The following COG6 variants were observed in gnomAD, a reference collection of about 807,000 sequenced individuals.
COG6 encodes the protein component of oligomeric golgi complex 6, also known as conserved oligomeric Golgi complex subunit 6.
A neutral mutation model predicts 88.8 loss-of-function variants in COG6; 74 were observed. That is an observed-to-expected ratio of 0.83 (90% confidence interval 0.69 to 1.01). The LOEUF is 1.01. Ranked by LOEUF, COG6 falls within the 50% of genes least tolerant of loss-of-function variation. The pLI is 0.00. For synonymous variants in COG6, 286 were observed against 278.7 expected, an observed-to-expected ratio of 1.03 and a Z score of -0.26; for missense variants, 800 against 797.9, an observed-to-expected ratio of 1.00 and a Z score of -0.03.
chr13:39,785,970 T>A (rs1007403329), intron 18 of COG6, among the ~76,000 whole-genome samples: 2 of 152,140 alleles, frequency 1.3e-5, no homozygotes, highest in Non-Finnish European at 2.9e-5. Flanking sequence ...ACAAATGTGA[T>A]GTACAGAGAG....
In COG6 at chr13:39,752,626, A is replaced by G. The variant is rs1430866339; in HGVS notation, c.*1533A>G. ...GTTTTTTCAAATAAAATATTAAAAT[A>G]TTTCTAGAGCAGCAATTATTGCAGC... On this transcript the variant is annotated 3_prime_UTR_variant, in exon 19 of 19. Transcript: ENST00000455146. 1 of 1,262,588 alleles carries G rather than the reference A, an allele frequency of 7.9e-7. No homozygotes were observed. Among genetic ancestry groups the G allele is most frequent in the Non-Finnish European group, 1.0e-6 (1 of 976,396 alleles). 78.2% of individuals were successfully genotyped at this position (1,262,588 alleles called of 1,614,324 possible). A position where few individuals can be genotyped will look rare whatever the true frequency, so the allele number is the denominator to read the frequency against.
At chr13:39,783,996 G>C (rs549469637) in intron 18 of COG6, among the ~76,000 whole-genome samples, 3 of 152,264 alleles carry the variant, frequency 2.0e-5, no homozygotes, top group Middle Eastern at 3.4e-3. Context: ...ATGGATTCTG[G>C]GGGGAGAAAG....
At chr13:39,666,514 GA>G (rs998964306) in intron 4 of COG6, among the ~76,000 whole-genome samples, 6 of 152,190 alleles carry the variant, frequency 3.9e-5, no homozygotes, top group African/African-American at 1.4e-4. Flanking sequence ...TCAAGAGTTT[GA>G]AAAACACTGC....
chr13:39,709,351 A>G (rs1440479144), intron 13 of COG6, among the ~76,000 whole-genome samples: 2 of 152,136 alleles, frequency 1.3e-5, no homozygotes, highest in Non-Finnish European at 2.9e-5. Flanking sequence ...ACATTTATAT[A>G]TTATGTAATG....
chr13:39,657,479 A>T (rs1160306445), intron 1 of COG6, among the ~76,000 whole-genome samples: 1 of 151,438 alleles, frequency 6.6e-6, no homozygotes, highest in Non-Finnish European at 1.5e-5. Context: ...TTTGAACCAG[A>T]CCTTAGGACA....
At chr13:39,717,246 A>T (rs552616346) in intron 13 of COG6, among the ~76,000 whole-genome samples, 1 of 151,916 alleles carries the variant, frequency 6.6e-6, no homozygotes, top group East Asian at 1.9e-4. Context: ...AGTTGCTTTC[A>T]GGATTATCTG....
At chr13:39,705,951 G>A (rs1485734821) in intron 13 of COG6, among the ~76,000 whole-genome samples, 1 of 151,452 alleles carries the variant, frequency 6.6e-6, no homozygotes, top group Non-Finnish European at 1.5e-5. Flanking sequence ...ATTCTGCCAG[G>A]AAAAACAAAC....
intron 4 of COG6, among the ~76,000 whole-genome samples, chr13:39,677,122 C>G (rs993379381): frequency 1.3e-5 from 2 of 152,122 alleles, no homozygotes; most frequent in Non-Finnish European, 2.9e-5. Context: ...ACATATTTCT[C>G]TCTTATAAAA....
chr13:39,751,584 A>AG lies in COG6; in HGVS notation c.*492dup. ...TAGCCTATGTCTCTGTCCCCAAAAT[A>AG]GCTGCCCTTAAAGAGTTGTTAGCAG... On this transcript the variant is annotated 3_prime_UTR_variant, in exon 19 of 19. Coordinates refer to ENST00000455146, the MANE Select transcript of COG6 (RefSeq NM_020751.3). 7.8e-7 allele frequency: 1 copy of AG among 1,287,222 alleles called. No individual in the cohort carries two copies. Among genetic ancestry groups the AG allele is most frequent in the Non-Finnish European group, 1.0e-6 (1 of 988,706 alleles). 79.7% of individuals were successfully genotyped at this position (1,287,222 alleles called of 1,614,324 possible). A position where few individuals can be genotyped will look rare whatever the true frequency, so the allele number is the denominator to read the frequency against.
intron 18 of COG6, among the ~76,000 whole-genome samples, chr13:39,784,841 G>A (rs1881726477): frequency 6.6e-6 from 1 of 152,170 alleles, no homozygotes. Flanking sequence ...GCTGAGATGA[G>A]CATGCATCCT....
intron 13 of COG6, among the ~76,000 whole-genome samples, chr13:39,713,507 G>A (rs1011312378): frequency 3.9e-5 from 6 of 152,152 alleles, no homozygotes; most frequent in East Asian, 1.9e-4. Context: ...AGGTCAAGGC[G>A]GGTGGATCAC....
At chr13:39,777,537 G>A (rs577859574) in intron 18 of COG6, among the ~76,000 whole-genome samples, 6 of 152,154 alleles carry the variant, frequency 3.9e-5, no homozygotes, top group Non-Finnish European at 8.8e-5. Flanking sequence ...TTACTTGGTG[G>A]AAAACTTGAA....
intron 4 of COG6, among the ~76,000 whole-genome samples, chr13:39,666,077 T>C (rs1242950330): frequency 6.6e-6 from 1 of 152,232 alleles, no homozygotes; most frequent in Non-Finnish European, 1.5e-5. Flanking sequence ...ATATGTACTA[T>C]CAAGATTTTT....
At chr13:39,755,662 T>C (rs966926915), downstream of COG6, among the ~76,000 whole-genome samples, 6 of 151,908 alleles carry the variant, frequency 3.9e-5, no homozygotes, top group African/African-American at 1.2e-4. Context: ...GAGACCGTAA[T>C]CTCTCACCTC....
intron 18 of COG6, among the ~76,000 whole-genome samples, chr13:39,782,102 T>C (rs527701574): frequency 2.6e-5 from 4 of 152,220 alleles, no homozygotes; most frequent in Non-Finnish European, 5.9e-5. Context: ...CCACACATAT[T>C]GGGTAAAGGG....
chr13:39,663,955 A>T (rs1211146013), intron 3 of COG6: 1 of 153,440 alleles, frequency 6.5e-6, no homozygotes, highest in Non-Finnish European at 1.5e-5. Context: ...TTCTTAAAAA[A>T]TCTATTTCCT....
intron 18 of COG6, among the ~76,000 whole-genome samples, chr13:39,733,372 G>A (rs1480432095): frequency 1.3e-5 from 2 of 151,744 alleles, no homozygotes; most frequent in African/African-American, 4.8e-5. Context: ...TGTAGTTTTA[G>A]TAGAGACGGG....
chr13:39,705,838 T>G (rs1418265456), intron 13 of COG6, among the ~76,000 whole-genome samples: 1 of 152,096 alleles, frequency 6.6e-6, no homozygotes, highest in African/African-American at 2.4e-5. Context: ...TGAATTGAAT[T>G]ATGCATTTTA....
intron 18 of COG6, among the ~76,000 whole-genome samples, chr13:39,761,243 A>G (rs1176741542): frequency 6.6e-6 from 1 of 152,046 alleles, no homozygotes; most frequent in East Asian, 1.9e-4. Flanking sequence ...TTCCTAAGAA[A>G]TTTATAGTTC....
Sources: gnomAD v4.1 joint callset for allele counts (sites outside exome capture counted in the v4.1 genomes callset) on GRCh38, gnomAD v4.1.1 for gene constraint, MANE v1.5 for transcripts, NCBI Gene and HGNC (gene_info 2026-07-23, HGNC 2026-07-21) for gene names.